Variants in AUTS2 observed in about 807,000 individuals in gnomAD.
The protein encoded by AUTS2 is autism susceptibility gene 2 protein.
Under a neutral mutation model 112.4 loss-of-function variants are expected in AUTS2, and 17 were observed. That is an observed-to-expected ratio of 0.15 (90% CI 0.10 to 0.23). The LOEUF (loss-of-function observed/expected upper bound fraction) is 0.23, where lower values mean the gene tolerates loss of function less well. Among genes scored for constraint, AUTS2 ranks in the 10% least tolerant of loss-of-function variants. The pLI, the probability that AUTS2 is intolerant of heterozygous loss-of-function variation, is 1.00. For synonymous variants in AUTS2, 751 were observed against 702.7 expected, an observed-to-expected ratio of 1.07 and a Z score of -1.09; for missense variants, 1,510 against 1,701.6, an observed-to-expected ratio of 0.89 and a Z score of 1.98.
chr7:70,139,000 G>C (rs1806713197), intron 4 of AUTS2, among the ~76,000 whole-genome samples: 1 of 152,020 alleles, frequency 6.6e-6, no homozygotes, highest in African/African-American at 2.4e-5. Flanking sequence ...GGGTCTCACT[G>C]TGTCACCCAG....
chr7:70,157,785 A>G (rs952323161), intron 4 of AUTS2, among the ~76,000 whole-genome samples: 1 of 151,622 alleles, frequency 6.6e-6, no homozygotes, highest in African/African-American at 2.4e-5. Context: ...CAGGGGCTGG[A>G]TTTTTAAACT....
At chr7:70,711,104 A>T (rs4073117) in intron 6 of AUTS2, among the ~76,000 whole-genome samples, 75,510 of 151,928 alleles carry the variant, frequency 0.5, 19,010 homozygotes, top group Middle Eastern at 0.58. Flanking sequence ...ACAACCTGTT[A>T]CCCCTGTGTG....
intron 5 of AUTS2, among the ~76,000 whole-genome samples, chr7:70,488,185 G>A (rs1208998289): frequency 1.3e-5 from 2 of 152,250 alleles, no homozygotes; most frequent in African/African-American, 4.8e-5. Flanking sequence ...TTGGAGGGCT[G>A]GAGAGTCGCT....
chr7:70,241,099 A>G (rs1245847556), intron 4 of AUTS2, among the ~76,000 whole-genome samples: 23 of 152,164 alleles, frequency 1.5e-4, no homozygotes, highest in Non-Finnish European at 1.5e-5. Flanking sequence ...GGCCTCCTCT[A>G]GGTCTTAATT....
intron 1 of AUTS2, among the ~76,000 whole-genome samples, chr7:69,811,789 T>C (rs1790556297): frequency 2.0e-5 from 3 of 152,176 alleles, no homozygotes; most frequent in Admixed American, 6.5e-5. Context: ...TTATAGCTCT[T>C]ATCACAGTCT....
At chr7:70,638,601 A>C (rs1805646656) in intron 5 of AUTS2, among the ~76,000 whole-genome samples, 1 of 151,110 alleles carries the variant, frequency 6.6e-6, no homozygotes, top group African/African-American at 2.4e-5. Flanking sequence ...TGTGCGAGCG[A>C]GCACAGGCCT....
intron 1 of AUTS2, among the ~76,000 whole-genome samples, chr7:69,650,915 C>T (rs904394582): frequency 6.6e-6 from 1 of 152,178 alleles, no homozygotes; most frequent in Non-Finnish European, 1.5e-5. Flanking sequence ...CTGTGCAAGT[C>T]GCCCGTGCTA....
chr7:70,483,359 C>T lies in AUTS2; in HGVS notation c.690+47578C>T, dbSNP rs987687475. Among the ~76,000 whole-genome samples the T allele has an allele frequency of 2.6e-5, 4 of 152,202 alleles. No individual in the cohort carries two copies. The East Asian group carries it at 5.8e-4, about 22-fold the overall frequency. ...GTGAATTGAGAAGTTCCTGACTTTC[C>T]TCATTGCCAACTAGTCATGTTCCTC... On this transcript the variant is annotated intron_variant, in intron 5 of 18. Coordinates refer to ENST00000342771, the MANE Select transcript of AUTS2 (RefSeq NM_015570.4).
At chr7:70,573,403 A>G (rs1423653786) in intron 5 of AUTS2, among the ~76,000 whole-genome samples, 2 of 152,188 alleles carry the variant, frequency 1.3e-5, no homozygotes, top group African/African-American at 2.4e-5. Flanking sequence ...CTCCCTTTCA[A>G]CTCCAAAGAA....
intron 2 of AUTS2, among the ~76,000 whole-genome samples, chr7:70,028,571 T>C (rs568076410): frequency 1.2e-4 from 18 of 152,162 alleles, no homozygotes; most frequent in Non-Finnish European, 2.1e-4. Flanking sequence ...TGCAGCTCCT[T>C]CTTCTGGTGT....
At chr7:70,609,330 C>T (rs1314499837) in intron 5 of AUTS2, among the ~76,000 whole-genome samples, 1 of 150,938 alleles carries the variant, frequency 6.6e-6, no homozygotes, top group Non-Finnish European at 1.5e-5. Flanking sequence ...CTGTGCCTGG[C>T]TTATTTCACT....
At chr7:70,755,560 G>A (rs1048630532) in intron 6 of AUTS2, among the ~76,000 whole-genome samples, 2 of 151,904 alleles carry the variant, frequency 1.3e-5, no homozygotes, top group African/African-American at 4.8e-5. Context: ...CCAGCTACTC[G>A]GAAGGTTGTC....
At chr7:70,377,335 T>TATAA (rs1793143562) in intron 4 of AUTS2, among the ~76,000 whole-genome samples, 1 of 49,046 alleles carries the variant, frequency 2.0e-5, no homozygotes, top group African/African-American at 7.8e-5. Flanking sequence ...AATATATATA[T>TATAA]ATATATATAT....
chr7:70,695,783 A>C (rs6943476), intron 5 of AUTS2, among the ~76,000 whole-genome samples: 1,911 of 152,358 alleles, frequency 0.013, 36 homozygotes, highest in African/African-American at 0.043. Flanking sequence ...ATCCAAAAAA[A>C]CAAAAAAACA....
At chr7:69,787,242 C>G (rs955544179) in intron 1 of AUTS2, among the ~76,000 whole-genome samples, 1 of 152,106 alleles carries the variant, frequency 6.6e-6, no homozygotes, top group African/African-American at 2.4e-5. Flanking sequence ...ACTGGTTTCT[C>G]AAAACATCTT....
intron 5 of AUTS2, among the ~76,000 whole-genome samples, chr7:70,676,275 A>G (rs558549424): frequency 6.6e-6 from 1 of 151,340 alleles, no homozygotes; most frequent in Admixed American, 6.6e-5. Flanking sequence ...CCCCATGTCT[A>G]CCAAAAATTA....
At chr7:69,772,503 C>T (rs895757621) in intron 1 of AUTS2, among the ~76,000 whole-genome samples, 16 of 152,174 alleles carry the variant, frequency 1.1e-4, no homozygotes, top group African/African-American at 3.4e-4. Context: ...TGCAGTGGCA[C>T]GAACATTGCA....
At chr7:70,386,360 C>CTT (rs1793605997) in intron 4 of AUTS2, among the ~76,000 whole-genome samples, 1 of 152,198 alleles carries the variant, frequency 6.6e-6, no homozygotes, top group Non-Finnish European at 1.5e-5. Context: ...TTTAAAAACA[C>CTT]ATTTATTGAA....
At position 69,883,624 on chromosome 7, in the gene AUTS2, C is replaced by G. The variant is rs79162321; in HGVS notation, c.310-15662C>G. Among the ~76,000 whole-genome samples, 412 of 152,228 alleles carry G rather than the reference C, an allele frequency of 2.7e-3. 1 individual carries two copies. Among genetic ancestry groups the G allele is most frequent in the African/African-American group, 9.1e-3 (378 of 41,528 alleles). On this transcript the variant is annotated intron_variant, in intron 1 of 18. Coordinates refer to ENST00000342771, the MANE Select transcript of AUTS2 (RefSeq NM_015570.4). ...TGCTGGCAACAAGATAGAAACTGGA[C>G]ATGGGAAAAAGGAAAGTCTCCCTCA... is the stretch of plus-strand genomic sequence containing the variant.
Sources: allele counts gnomAD v4.1 joint callset (sites outside exome capture counted in the v4.1 genomes callset), GRCh38; gene constraint gnomAD v4.1.1; transcripts MANE v1.5; gene names NCBI Gene and HGNC (gene_info 2026-07-23, HGNC 2026-07-21).